Variants in BEND2 observed in about 807,000 individuals in gnomAD.
BEND2 encodes BEN domain-containing protein 2.
In BEND2, 19 loss-of-function variants were observed where a neutral mutation model predicts 43.8. The ratio of observed to expected loss-of-function variants is 0.43; its 90% CI spans 0.30 to 0.64. The LOEUF (loss-of-function observed/expected upper bound fraction) is 0.64, where lower values mean the gene tolerates loss of function less well. Among genes scored for constraint, BEND2 ranks in the 30% least tolerant of loss-of-function variants. The pLI is 0.11. For synonymous variants in BEND2, 226 were observed against 210.1 expected, an observed-to-expected ratio of 1.08 and a Z score of -0.66; for missense variants, 544 against 574.0, an observed-to-expected ratio of 0.95 and a Z score of 0.53.
At chrX:18,205,723 A>G (rs1925313792) in intron 4 of BEND2, among the ~76,000 whole-genome samples, 1 of 110,340 alleles carries the variant, frequency 9.1e-6, no homozygotes, top group Admixed American at 9.7e-5. Context: ...GCAGCCTGGA[A>G]CAGTGGTTTG....
At chrX:18,192,561 C>G (rs187948379) in intron 7 of BEND2, among the ~76,000 whole-genome samples, 54 of 112,386 alleles carry the variant, frequency 4.8e-4, no homozygotes, top group African/African-American at 1.6e-3. Context: ...ACTAAACATG[C>G]AATTACTATA....
intron 2 of BEND2, among the ~76,000 whole-genome samples, chrX:18,214,405 T>C (rs1307511960): frequency 8.9e-6 from 1 of 112,223 alleles, no homozygotes; most frequent in Non-Finnish European, 1.9e-5. Context: ...GATAGGATTC[T>C]AGGGAGCTCA....
rs758727554 is a variant in BEND2, at chrX:18,187,274, C to T, written c.1288+3727G>A. 2.5e-4 allele frequency among the ~76,000 whole-genome samples: 28 copies of T among 111,287 alleles called. No homozygotes were observed. In the South Asian group the frequency reaches 9.1e-3, roughly 36 times the overall value. ...GAAGCACACTTCACCTGTAAAGATA[C>T]GCTGAAAATAAAGGGATGGAAAAAG... On this transcript the variant is annotated intron_variant, in intron 8 of 13. Transcript: ENST00000380033.
intron 4 of BEND2, among the ~76,000 whole-genome samples, chrX:18,206,675 G>A (rs1461864088): frequency 9.0e-6 from 1 of 111,075 alleles, no homozygotes; most frequent in Non-Finnish European, 1.9e-5. Context: ...GAAGGGGTCA[G>A]AAGAAGGGCG....
chrX:18,191,927 T>C (rs1924784673), intron 7 of BEND2, among the ~76,000 whole-genome samples: 1 of 112,189 alleles, frequency 8.9e-6, no homozygotes, highest in Admixed American at 9.5e-5. Context: ...GAAACACATA[T>C]TTCTCTGTAT....
chrX:18,218,095 C>T (rs1925731349), intron 1 of BEND2, among the ~76,000 whole-genome samples: 1 of 108,932 alleles, frequency 9.2e-6, no homozygotes, highest in Admixed American at 9.9e-5. Context: ...AAAACGAGAC[C>T]CTGTCTCAAA....
intron 8 of BEND2, among the ~76,000 whole-genome samples, chrX:18,189,234 A>G (rs765975835): frequency 1.9e-5 from 2 of 106,474 alleles, no homozygotes; most frequent in Non-Finnish European, 3.9e-5. Context: ...ATGGATGGCC[A>G]TGGGGTCTCA....
In BEND2 at chrX:18,177,716, C is replaced by A. The variant is rs1302671183; in HGVS notation, c.1483G>T (p.Ala495Ser). 2 of 1,208,700 alleles carry A rather than the reference C, an allele frequency of 1.7e-6. No homozygotes were observed. The highest frequency in any genetic ancestry group is 4.4e-5 in the Admixed American group (2 of 45,620). The change falls in exon 10 of 14, where the codon GCC becomes TCC. Residue 495 changes from alanine to serine, a missense_variant. By Grantham distance (99) the Ala-to-Ser change is moderately conservative. Around this residue, in one of 2 missense-constraint regions of BEND2, gnomAD observed 501 missense variants for 501.6 expected, o/e 1.00. Coordinates refer to ENST00000380033, the MANE Select transcript of BEND2 (RefSeq NM_153346.5). ...NVRVLKIHLL[A>S]VQNMAKPKQA... ...TTAGGTTTGGCCATATTTTGTACGG[C>A]CAGCAAATGGATTTTAAGTACTCTG...
At chrX:18,172,323 GA>G (rs1204273178) in intron 12 of BEND2, among the ~76,000 whole-genome samples, 1 of 110,297 alleles carries the variant, frequency 9.1e-6, no homozygotes, top group Non-Finnish European at 1.9e-5. Context: ...CAAGGGTCAG[GA>G]AAAAAAGGTT....
At chrX:18,210,472 C>A (rs1418889802) in intron 4 of BEND2, among the ~76,000 whole-genome samples, 1 of 112,145 alleles carries the variant, frequency 8.9e-6, no homozygotes, top group East Asian at 2.8e-4. Flanking sequence ...ACAAATCCTA[C>A]AACTACAGGA....
At chrX:18,195,499 C>T in intron 6 of BEND2, 57 bp from the exon 7 acceptor site, 2 of 1,065,254 alleles carry the variant, frequency 1.9e-6, no homozygotes, top group East Asian at 6.2e-5. Flanking sequence ...TAAAACTATC[C>T]TTCTGGAAAA....
At chrX:18,179,826 G>A (rs1181494461) in intron 9 of BEND2, among the ~76,000 whole-genome samples, 1 of 112,390 alleles carries the variant, frequency 8.9e-6, no homozygotes, top group Non-Finnish European at 1.9e-5. Flanking sequence ...ACAGAGCTTG[G>A]GGTCCCCTCA....
At chrX:18,217,918 C>CAAA (rs1023498966) in intron 1 of BEND2, among the ~76,000 whole-genome samples, 3 of 96,017 alleles carry the variant, frequency 3.1e-5, no homozygotes, top group African/African-American at 1.2e-4. Context: ...CTGTCTCTAC[C>CAAA]AAAAAATAAT....
rs746188007 is a variant in BEND2 at position 18,177,705 on chromosome X, A to G, written c.1494T>C (p.Asn498=). ...AGGCTGCTTGCTTAGGTTTGGCCAT[A>G]TTTTGTACGGCCAGCAAATGGATTT... ...VLKIHLLAVQ[N]MAKPKQAACY... is the part of the protein sequence containing the mutation. Residue 498 remains asparagine (N), a synonymous_variant, in exon 10 of 14, where the codon AAT becomes AAC. Transcript: ENST00000380033. 22 of 1,209,001 alleles carry G rather than the reference A, an allele frequency of 1.8e-5. No homozygotes were observed. The highest frequency in any genetic ancestry group is 2.5e-5 in the Non-Finnish European group (22 of 894,734).
intron 8 of BEND2, among the ~76,000 whole-genome samples, chrX:18,189,129 G>A (rs764668027): frequency 4.0e-4 from 43 of 107,102 alleles, no homozygotes; most frequent in Non-Finnish European, 1.7e-4. Context: ...GAACCTGGCA[G>A]GCAGAGGTTG....
intron 13 of BEND2, among the ~76,000 whole-genome samples, chrX:18,167,394 A>G (rs1923851774): frequency 8.9e-6 from 1 of 112,080 alleles, no homozygotes; most frequent in Non-Finnish European, 1.9e-5. Flanking sequence ...TACACTGACA[A>G]GATATGATGC....
chrX:18,180,706 G>C, intron 8 of BEND2, 56 bp from the exon 9 acceptor site: 1 of 915,971 alleles, frequency 1.1e-6, no homozygotes, highest in Non-Finnish European at 1.6e-6. Flanking sequence ...CTGTTTTTCA[G>C]GTACAGAGGG....
chrX:18,190,766 T>TCA (rs1300015009), intron 8 of BEND2, among the ~76,000 whole-genome samples: 1,305 of 92,933 alleles, frequency 0.014, 13 homozygotes, highest in African/African-American at 0.037. Context: ...TCTCTCTCTC[T>TCA]CACACACACA....
intron 6 of BEND2, among the ~76,000 whole-genome samples, chrX:18,200,427 CGG>C (rs1019699248): frequency 9.5e-6 from 1 of 104,769 alleles, no homozygotes; most frequent in African/African-American, 3.5e-5. Context: ...TGCTTGAACC[CGG>C]GAGGCAGAAG....
Sources: allele counts gnomAD v4.1 joint callset (sites outside exome capture counted in the v4.1 genomes callset), GRCh38; gene constraint gnomAD v4.1.1; regional missense constraint gnomAD v4.1.1; transcripts MANE v1.5; gene names NCBI Gene and HGNC (gene_info 2026-07-23, HGNC 2026-07-21).